CHCHD6: variants seen among roughly 807,000 people sequenced by gnomAD.
CHCHD6 encodes MICOS complex subunit MIC25.
CHCHD6 carries 28 observed loss-of-function variants against 32.3 expected under a neutral mutation model. The observed-to-expected ratio is 0.87, with a 90% CI of 0.64 to 1.19. The LOEUF is 1.19. Among genes scored for constraint, CHCHD6 ranks in the 50% most tolerant of loss-of-function variants. The pLI is 0.00. For synonymous variants in CHCHD6, 122 were observed against 117.5 expected, an observed-to-expected ratio of 1.04 and a Z score of -0.25; for missense variants, 333 against 307.0, an observed-to-expected ratio of 1.08 and a Z score of -0.63.
chr3:126,827,063 G>A (rs559828038), intron 4 of CHCHD6, among the ~76,000 whole-genome samples: 1 of 152,316 alleles, frequency 6.6e-6, no homozygotes, highest in African/African-American at 2.4e-5. Context: ...GTGCCAGGAG[G>A]TGAGAGCAAG....
At chr3:126,809,102 G>T (rs1939544368) in intron 4 of CHCHD6, among the ~76,000 whole-genome samples, 1 of 152,066 alleles carries the variant, frequency 6.6e-6, no homozygotes, top group Non-Finnish European at 1.5e-5. Flanking sequence ...CTCCTGAGTA[G>T]CTGGGATTAC....
intron 4 of CHCHD6, among the ~76,000 whole-genome samples, chr3:126,832,446 A>G (rs776862507): frequency 1.3e-5 from 2 of 152,086 alleles, no homozygotes; most frequent in Non-Finnish European, 2.9e-5. Context: ...CATCCCACTC[A>G]GTGCCAGTTA....
intron 4 of CHCHD6, among the ~76,000 whole-genome samples, chr3:126,773,117 G>A (rs1337915732): frequency 1.3e-5 from 2 of 152,076 alleles, no homozygotes; most frequent in African/African-American, 2.4e-5. Context: ...GCCTGATGGG[G>A]TTCCCTTTGT....
intron 6 of CHCHD6, among the ~76,000 whole-genome samples, chr3:126,923,027 C>G (rs908916815): frequency 6.6e-6 from 1 of 152,172 alleles, no homozygotes; most frequent in Admixed American, 6.5e-5. Flanking sequence ...GTCTTGTCCC[C>G]AGGGCAGATG....
At chr3:126,957,654 C>G (rs993763211) in intron 7 of CHCHD6, 103 bp downstream of exon 7, 37 of 1,354,904 alleles carry the variant, frequency 2.7e-5, no homozygotes, top group Non-Finnish European at 3.7e-5. Context: ...CTGTTAGAAT[C>G]AGATGCTCCA....
At chr3:126,858,500 G>T (rs1008278768) in intron 5 of CHCHD6, among the ~76,000 whole-genome samples, 1 of 152,142 alleles carries the variant, frequency 6.6e-6, no homozygotes, top group South Asian at 2.1e-4. Context: ...TCGCTGCCAG[G>T]CACCCTCCTC....
At chr3:126,770,274 A>G (rs1174878714) in intron 4 of CHCHD6, among the ~76,000 whole-genome samples, 1 of 152,182 alleles carries the variant, frequency 6.6e-6, no homozygotes, top group Non-Finnish European at 1.5e-5. Context: ...TGTTGTCTGC[A>G]AATAGGGATA....
intron 6 of CHCHD6, among the ~76,000 whole-genome samples, chr3:126,915,411 G>A (rs16837814): frequency 0.014 from 2,155 of 152,348 alleles, 58 homozygotes; most frequent in African/African-American, 0.048. Context: ...TCAGTCAATA[G>A]TACAGTTCCC....
intron 4 of CHCHD6, among the ~76,000 whole-genome samples, chr3:126,808,994 C>G (rs60275708): frequency 0.029 from 4,398 of 151,052 alleles, 142 homozygotes; most frequent in East Asian, 0.14. Flanking sequence ...TTTTTTGAGA[C>G]AGAGTCTTGC....
intron 4 of CHCHD6, chr3:126,766,942 A>G (rs1937394314): frequency 3.9e-6 from 4 of 1,020,044 alleles, no homozygotes; most frequent in South Asian, 1.3e-5. Flanking sequence ...CCAGGAGAAG[A>G]CTCACTTCTG....
chr3:126,759,291 A>G (rs1483699916), intron 4 of CHCHD6, among the ~76,000 whole-genome samples: 1 of 152,212 alleles, frequency 6.6e-6, no homozygotes, highest in Non-Finnish European at 1.5e-5. Context: ...TTGTAATTTC[A>G]TCCATAAATA....
At chr3:126,892,947 G>A (rs2077784797) in intron 5 of CHCHD6, among the ~76,000 whole-genome samples, 1 of 151,166 alleles carries the variant, frequency 6.6e-6, no homozygotes, top group African/African-American at 2.4e-5. Flanking sequence ...TTTTTTTGTT[G>A]TTGTTGTTGT....
chr3:126,855,140 A>G (rs1941616699), intron 5 of CHCHD6, among the ~76,000 whole-genome samples: 1 of 152,204 alleles, frequency 6.6e-6, no homozygotes, highest in Non-Finnish European at 1.5e-5. Context: ...TGAGTGAGGA[A>G]TATTGTTTCC....
Position 126,758,421 on chromosome 3 carries a change from T to TA in CHCHD6, c.411+25200dup, listed in dbSNP as rs546625910. On this transcript the variant is annotated intron_variant, in intron 4 of 7. Transcript: ENST00000290913. ...TTTCTCACAGCAAATCAAAGCATGT[T>TA]ACACTGTGTCTTTTTGGCCATTCTT... 8.3e-3 allele frequency among the ~76,000 whole-genome samples: 1,267 copies of TA among 152,366 alleles called. 6 individuals are homozygous for TA. The highest frequency in any genetic ancestry group is 0.015 in the Non-Finnish European group (998 of 68,036).
intron 4 of CHCHD6, among the ~76,000 whole-genome samples, chr3:126,739,279 C>T (rs999211141): frequency 2.0e-5 from 3 of 152,196 alleles, no homozygotes; most frequent in Non-Finnish European, 4.4e-5. Context: ...CAAACATTTT[C>T]TATAAAGAGC....
At chr3:126,718,555 G>T (rs768536366) in intron 1 of CHCHD6, among the ~76,000 whole-genome samples, 1 of 152,214 alleles carries the variant, frequency 6.6e-6, no homozygotes, top group Non-Finnish European at 1.5e-5. Context: ...CCTGAGCTGC[G>T]CAGCAGCCAG....
chr3:126,875,457 C>T (rs1017083639), intron 5 of CHCHD6, among the ~76,000 whole-genome samples: 1 of 152,250 alleles, frequency 6.6e-6, no homozygotes, highest in Admixed American at 6.5e-5. Context: ...GCGCACTGCT[C>T]TCGTGCTACA....
At chr3:126,839,208 A>C (rs1450391502) in intron 4 of CHCHD6, among the ~76,000 whole-genome samples, 2 of 152,158 alleles carry the variant, frequency 1.3e-5, no homozygotes, top group Non-Finnish European at 2.9e-5. Context: ...CTTGTAGGGA[A>C]TATTTACTCT....
intron 4 of CHCHD6, chr3:126,767,048 C>G: frequency 1.1e-6 from 1 of 944,102 alleles, no homozygotes; most frequent in South Asian, 1.4e-5. Flanking sequence ...GATGGTCACT[C>G]AATGGGGAAC....
Sources: allele counts gnomAD v4.1 joint callset (sites outside exome capture counted in the v4.1 genomes callset), GRCh38; gene constraint gnomAD v4.1.1; transcripts MANE v1.5; gene names NCBI Gene and HGNC (gene_info 2026-07-23, HGNC 2026-07-21).